The following PDE4D variants were observed in gnomAD, a reference collection of about 807,000 sequenced individuals.
PDE4D encodes phosphodiesterase 4D, also known as 3',5'-cyclic-AMP phosphodiesterase 4D.
PDE4D carries 24 observed loss-of-function variants against 87.4 expected under a neutral mutation model. The ratio of observed to expected loss-of-function variants is 0.27; its 90% CI spans 0.20 to 0.39. The LOEUF (loss-of-function observed/expected upper bound fraction) is 0.39, where lower values mean the gene tolerates loss of function less well. Among genes scored for constraint, PDE4D ranks in the 10% least tolerant of loss-of-function variants. The probability of loss-of-function intolerance (pLI) is 1.00; values close to 1 mark genes in which losing one functional copy is unlikely to be tolerated. For synonymous variants in PDE4D, 384 were observed against 383.2 expected, an observed-to-expected ratio of 1.00 and a Z score of -0.02; for missense variants, 714 against 1,041.0, an observed-to-expected ratio of 0.69 and a Z score of 4.32.
chr5:60,106,562 T>C (rs1041875761), intron 2 of PDE4D, among the ~76,000 whole-genome samples: 1 of 151,918 alleles, frequency 6.6e-6, no homozygotes, highest in Non-Finnish European at 1.5e-5. Flanking sequence ...TACATTTTTT[T>C]CAGCACCACA....
intron 1 of PDE4D, among the ~76,000 whole-genome samples, chr5:60,477,515 G>A (rs1217270729): frequency 1.3e-5 from 2 of 152,130 alleles, no homozygotes; most frequent in Non-Finnish European, 1.5e-5. Flanking sequence ...ATTTCCAAAA[G>A]GGAGGCTGTT....
At chr5:59,512,480 C>T (rs1258449744) in intron 1 of PDE4D, among the ~76,000 whole-genome samples, 1 of 152,090 alleles carries the variant, frequency 6.6e-6, no homozygotes, top group African/African-American at 2.4e-5. Context: ...TTTTTTCAAA[C>T]AGACTTAATT....
chr5:60,264,057 A>G (rs1749928926), intron 1 of PDE4D, among the ~76,000 whole-genome samples: 1 of 152,114 alleles, frequency 6.6e-6, no homozygotes, highest in African/African-American at 2.4e-5. Flanking sequence ...AGACAAAAAG[A>G]TAAATGAGGC....
chr5:59,470,106 C>G (rs1216374802), intron 1 of PDE4D, among the ~76,000 whole-genome samples: 2 of 152,084 alleles, frequency 1.3e-5, no homozygotes, highest in Non-Finnish European at 2.9e-5. Context: ...AGTCTGCACA[C>G]AGAGTTTTAA....
intron 1 of PDE4D, among the ~76,000 whole-genome samples, chr5:60,290,156 C>T (rs938121686): frequency 2.0e-5 from 3 of 152,082 alleles, no homozygotes; most frequent in African/African-American, 7.2e-5. Context: ...ATCTGACCAG[C>T]CATTCATATA....
intron 1 of PDE4D, among the ~76,000 whole-genome samples, chr5:60,398,376 G>A (rs1373108469): frequency 1.3e-5 from 2 of 152,192 alleles, no homozygotes; most frequent in African/African-American, 2.4e-5. Flanking sequence ...AGACCAACAG[G>A]CTTCTACCTT....
chr5:60,419,347 C>T (rs1019651413), intron 1 of PDE4D, among the ~76,000 whole-genome samples: 2 of 151,614 alleles, frequency 1.3e-5, no homozygotes, highest in Admixed American at 1.3e-4. Flanking sequence ...CAAGATATGT[C>T]ATTAAGTAGA....
At chr5:59,096,316 C>T (rs769941245) in intron 5 of PDE4D, among the ~76,000 whole-genome samples, 2 of 152,154 alleles carry the variant, frequency 1.3e-5, no homozygotes, top group Non-Finnish European at 2.9e-5. Flanking sequence ...AATCTTCTAG[C>T]TAACCATGAT....
intron 1 of PDE4D, among the ~76,000 whole-genome samples, chr5:59,238,055 C>T (rs1581539169): frequency 6.6e-6 from 1 of 152,198 alleles, no homozygotes; most frequent in East Asian, 1.9e-4. Flanking sequence ...GTTAAGAACA[C>T]AGGGTCTAGG....
At chr5:59,982,148 T>C (rs920202602) in intron 3 of PDE4D, among the ~76,000 whole-genome samples, 1 of 152,190 alleles carries the variant, frequency 6.6e-6, no homozygotes, top group Non-Finnish European at 1.5e-5. Context: ...TCTTTTACAT[T>C]CTTTTCATTT....
chr5:60,492,797 C>T (rs778206723), upstream of PDE4D, among the ~76,000 whole-genome samples: 15 of 151,328 alleles, frequency 9.9e-5, no homozygotes, highest in Non-Finnish European at 7.4e-5. Context: ...ATATAAATGA[C>T]GAGTTGATGG....
chr5:59,642,500 C>G (rs183058772), intron 1 of PDE4D, among the ~76,000 whole-genome samples: 1 of 152,204 alleles, frequency 6.6e-6, no homozygotes, highest in African/African-American at 2.4e-5. Flanking sequence ...GAAGTTTCCC[C>G]TATACTATTC....
intron 1 of PDE4D, among the ~76,000 whole-genome samples, chr5:59,883,270 G>T (rs1338727425): frequency 6.6e-6 from 1 of 152,194 alleles, no homozygotes; most frequent in Admixed American, 6.5e-5. Context: ...TAATCTTAAG[G>T]ACCAGAGAAC....
intron 1 of PDE4D, among the ~76,000 whole-genome samples, chr5:59,346,035 G>T (rs1344631936): frequency 2.0e-5 from 3 of 152,074 alleles, no homozygotes; most frequent in Admixed American, 6.6e-5. Context: ...CTAACAAAAT[G>T]AGAATAAAGA....
chr5:60,170,927 A>T (rs1424794750), intron 2 of PDE4D, among the ~76,000 whole-genome samples: 1 of 152,064 alleles, frequency 6.6e-6, no homozygotes, highest in Non-Finnish European at 1.5e-5. Flanking sequence ...CTGTCAGATG[A>T]AAAGCATAAT....
rs968674957 is a variant in PDE4D, at chr5:59,293,755, G to A, written c.456-77787C>T. Among the ~76,000 whole-genome samples, 8 of 152,114 alleles carry A rather than the reference G, an allele frequency of 5.3e-5. 1 individual carries two copies. The South Asian group carries it at 1.5e-3, about 28-fold the overall frequency. The stretch of plus-strand genomic sequence containing the variant: ...GCCCTTCTGTAAGTGGGCAGGGTGC[G>A]TGTGCAGGTAGGTAGGCCATTAGGT... On this transcript the variant is annotated intron_variant, in intron 1 of 14. Coordinates refer to ENST00000340635, the MANE Select transcript of PDE4D (RefSeq NM_001104631.2).
intron 2 of PDE4D, among the ~76,000 whole-genome samples, chr5:60,139,452 G>A (rs894021524): frequency 6.6e-6 from 1 of 152,030 alleles, no homozygotes; most frequent in Non-Finnish European, 1.5e-5. Context: ...CTATTCTCAA[G>A]GGATATAATG....
chr5:59,388,815 T>G (rs1787645867), intron 1 of PDE4D, among the ~76,000 whole-genome samples: 1 of 152,108 alleles, frequency 6.6e-6, no homozygotes, highest in South Asian at 2.1e-4. Flanking sequence ...ATTAATAGCC[T>G]AGAAACTATA....
intron 1 of PDE4D, among the ~76,000 whole-genome samples, chr5:59,216,565 A>G (rs527845567): frequency 6.6e-6 from 1 of 152,272 alleles, no homozygotes; most frequent in African/African-American, 2.4e-5. Context: ...CCCTTCAGTA[A>G]CTTACCATTG....
Sources: allele counts gnomAD v4.1 joint callset (sites outside exome capture counted in the v4.1 genomes callset), GRCh38; gene constraint gnomAD v4.1.1; transcripts MANE v1.5; gene names NCBI Gene and HGNC (gene_info 2026-07-23, HGNC 2026-07-21).